ACOX1: variants seen among roughly 807,000 people sequenced by gnomAD.
The protein encoded by ACOX1 is peroxisomal acyl-coenzyme A oxidase 1.
A neutral mutation model predicts 75.5 loss-of-function variants in ACOX1; 41 were observed. The ratio of observed to expected loss-of-function variants is 0.54; its 90% CI spans 0.42 to 0.70. The LOEUF (loss-of-function observed/expected upper bound fraction) is 0.70. Ranked by LOEUF, ACOX1 falls within the 30% of genes least tolerant of loss-of-function variation. The pLI is 0.00. For synonymous variants in ACOX1, 303 were observed against 298.8 expected, an observed-to-expected ratio of 1.01 and a Z score of -0.15; for missense variants, 630 against 837.5, an observed-to-expected ratio of 0.75 and a Z score of 3.06.
At chr17:75,975,944 GAAAA>G (rs1164113820) in intron 2 of ACOX1, among the ~76,000 whole-genome samples, 1 of 140,858 alleles carries the variant, frequency 7.1e-6, no homozygotes, top group African/African-American at 2.6e-5. Context: ...AGAAAGAAAA[GAAAA>G]GAAAGAAAGA....
chr17:75,968,285 A>C (rs1198909601), intron 2 of ACOX1, among the ~76,000 whole-genome samples: 1 of 148,064 alleles, frequency 6.8e-6, no homozygotes, highest in Non-Finnish European at 1.5e-5. Context: ...AAATACAAAA[A>C]ATTAGCCGGG....
In ACOX1 at chr17:75,948,318, C is replaced by T. The variant is rs368998076; in HGVS notation, c.1868G>A (p.Arg623His). The change falls in exon 13 of 14, where the codon CGC becomes CAC. Residue 623 changes from arginine (R) to histidine (H), a missense_variant. Coordinates refer to ENST00000293217, the MANE Select transcript of ACOX1 (RefSeq NM_004035.7). ...GTTTTCATACACATTCCCATCATAG[C>T]GGCCAAGCACAGAGCCAAGTGTCAC... ...QDVTLGSVLG[R>H]YDGNVYENLF... is the part of the protein sequence containing the mutation. The T allele has an allele frequency of 6.2e-6, 10 of 1,613,970 alleles. No individual in the cohort carries two copies. Among genetic ancestry groups the T allele is most frequent in the East Asian group, 2.2e-5 (1 of 44,890 alleles).
intron 3 of ACOX1, among the ~76,000 whole-genome samples, chr17:75,958,605 G>T (rs1029196541): frequency 6.6e-6 from 1 of 151,448 alleles, no homozygotes; most frequent in African/African-American, 2.4e-5. Context: ...TCAGGAGATC[G>T]AGACCATCCT....
intron 2 of ACOX1, among the ~76,000 whole-genome samples, chr17:75,966,004 C>A (rs1364856174): frequency 6.6e-6 from 1 of 151,808 alleles, no homozygotes; most frequent in Non-Finnish European, 1.5e-5. Context: ...GTAGCACATG[C>A]CTGTAATCCC....
At position 75,978,771 on chromosome 17, in the gene ACOX1, C is replaced by A; in HGVS notation, c.110-78G>T. 6.2e-7 allele frequency: 1 copy of A among 1,610,726 alleles called. No homozygotes were observed. Among genetic ancestry groups the A allele is most frequent in the South Asian group, 1.1e-5 (1 of 90,824 alleles). On this transcript the variant is annotated intron_variant, in intron 1 of 13. Coordinates refer to ENST00000293217, the MANE Select transcript of ACOX1 (RefSeq NM_004035.7). This position sits in a 1 kb window ranked among gnomAD's most constrained non-coding sequence, Gnocchi z 4.2. The stretch of plus-strand genomic sequence containing the variant: ...TCCACCCTCCCTGAATCACAATAGG[C>A]TTCAGAGTCGCGGACACACCTGGGG...
intron 12 of ACOX1, 45 bp from the exon 13 acceptor site, chr17:75,948,502 A>C: frequency 4.1e-6 from 6 of 1,477,564 alleles, no homozygotes; most frequent in Non-Finnish European, 4.7e-6. Flanking sequence ...ATATGTATAT[A>C]GATAGACATA....
chr17:75,948,748 T>G (rs2065745519), intron 12 of ACOX1, among the ~76,000 whole-genome samples: 1 of 152,096 alleles, frequency 6.6e-6, no homozygotes, highest in African/African-American at 2.4e-5. Flanking sequence ...GAGATGGGGT[T>G]TCTCCATGTT....
Position 75,950,671 on chromosome 17 carries a change from A to C in ACOX1, c.1298+103T>G. 1 of 1,305,326 alleles carries C rather than the reference A, an allele frequency of 7.7e-7. No individual in the cohort carries two copies. 80.9% of individuals were successfully genotyped at this position (1,305,326 alleles called of 1,614,324 possible). ...GGCAAAAGTATACCTTTCAGGAACA[A>C]ATATATATATACGGTGAAGAAAAAC... On this transcript the variant is annotated intron_variant, in intron 9 of 13. Transcript: ENST00000293217. The surrounding 1 kb of genome is among the most constrained non-coding windows in gnomAD (Gnocchi z 4.3).
At chr17:75,955,056 G>C (rs2065811283) in intron 6 of ACOX1, among the ~76,000 whole-genome samples, 1 of 151,964 alleles carries the variant, frequency 6.6e-6, no homozygotes, top group African/African-American at 2.4e-5. Context: ...TTTTAGTAGA[G>C]ATGGGGTTTC....
intron 2 of ACOX1, among the ~76,000 whole-genome samples, chr17:75,977,520 C>G (rs1026807346): frequency 6.6e-6 from 1 of 152,028 alleles, no homozygotes; most frequent in Admixed American, 6.6e-5. Flanking sequence ...GAGCCGAGAT[C>G]GTGCCACTGC....
At position 75,949,291 on chromosome 17, in the gene ACOX1, G is replaced by A; in HGVS notation, c.1654C>T (p.Gln552Ter). Residue 552 changes from glutamine (Q) to a stop codon, truncating the protein, a stop_gained, in exon 12 of 14, where the codon CAA (glutamine) becomes TAA (stop). Transcript: ENST00000293217. LOFTEE classifies it high-confidence loss of function. ...KLLKIQDKAI[Q>*]AVLRSLCLLY... ...AGACATAAACTCCTTAAGACAGCTT[G>A]AATGGCTTTATCTTGAATTTTGAGG... 1.2e-6 allele frequency: 2 copies of A among 1,614,128 alleles called. No homozygotes were observed. Among genetic ancestry groups the A allele is most frequent in the Non-Finnish European group, 1.7e-6 (2 of 1,179,948 alleles).
intron 2 of ACOX1, among the ~76,000 whole-genome samples, chr17:75,967,195 G>A (rs1445368778): frequency 6.6e-6 from 1 of 152,106 alleles, no homozygotes; most frequent in African/African-American, 2.4e-5. Context: ...AAGAGGCCGG[G>A]CGTGGTGGCT....
intron 6 of ACOX1, among the ~76,000 whole-genome samples, chr17:75,954,603 G>A (rs146322825): frequency 4.4e-3 from 539 of 123,614 alleles, no homozygotes; most frequent in African/African-American, 0.012. Context: ...ACAGAGTCTC[G>A]CTGTATTGCC....
intron 2 of ACOX1, among the ~76,000 whole-genome samples, chr17:75,968,760 T>C (rs1213516698): frequency 1.3e-5 from 2 of 149,390 alleles, no homozygotes; most frequent in Non-Finnish European, 3.0e-5. Flanking sequence ...CCGTCTCTAC[T>C]AAAAATACAA....
At chr17:75,971,376 G>C (rs1032400015) in intron 2 of ACOX1, among the ~76,000 whole-genome samples, 1 of 151,804 alleles carries the variant, frequency 6.6e-6, no homozygotes, top group Non-Finnish European at 1.5e-5. Context: ...CAGCCATATA[G>C]GATCTCTGTC....
chr17:75,958,568 G>C (rs111348884), intron 3 of ACOX1, among the ~76,000 whole-genome samples: 3,987 of 150,484 alleles, frequency 0.026, 320 homozygotes, highest in African/African-American at 0.093. Flanking sequence ...CAGCACTTTG[G>C]GGGGCCAAGG....
intron 2 of ACOX1, among the ~76,000 whole-genome samples, chr17:75,970,541 T>C (rs146925415): frequency 1.3e-5 from 2 of 152,280 alleles, no homozygotes; most frequent in African/African-American, 4.8e-5. Flanking sequence ...ATAATGCTGG[T>C]GACTGAGACT....
chr17:75,956,981 A>C (rs1475809383), intron 4 of ACOX1, among the ~76,000 whole-genome samples: 80 of 23,450 alleles, frequency 3.4e-3, no homozygotes, highest in Non-Finnish European at 4.7e-3. Context: ...CTATATATAT[A>C]TATATATATA....
Position 75,973,480 on chromosome 17 carries a change from G to A in ACOX1, c.269+5054C>T, listed in dbSNP as rs184065628. ...GACCAGTTTCCAGGGAAAATGTCTA[G>A]GAGAAAACAAGAAGTTGAATTTTGA... On this transcript the variant is annotated intron_variant, in intron 2 of 13. Coordinates refer to ENST00000293217, the MANE Select transcript of ACOX1 (RefSeq NM_004035.7). The A allele has an allele frequency of 2.6e-5, 22 of 859,364 alleles. No individual in the cohort carries two copies. In the East Asian group the frequency reaches 5.8e-4, roughly 23 times the overall value. The allele number at this position is 859,364 out of a possible 1,614,324, so 53.2% of individuals were successfully genotyped here.
Sources: allele counts gnomAD v4.1 joint callset (sites outside exome capture counted in the v4.1 genomes callset), GRCh38; gene constraint gnomAD v4.1.1; non-coding constraint Gnocchi (gnomAD v3.1); transcripts MANE v1.5; gene names NCBI Gene and HGNC (gene_info 2026-07-23, HGNC 2026-07-21).